Variants in QTMAN observed in about 807,000 individuals in gnomAD.
The protein encoded by QTMAN is queuosine-tRNA mannosyltransferase.
the QTMAN span, among the ~76,000 whole-genome samples, chr2:144,225,073 T>A: frequency 2.0e-5 from 3 of 152,182 alleles, no homozygotes; most frequent in African/African-American, 7.2e-5. Context: ...CCTTCTAGAA[T>A]TCAAGCTAAA....
At chr2:144,012,131 C>G in the QTMAN span, among the ~76,000 whole-genome samples, 3 of 152,106 alleles carry the variant, frequency 2.0e-5, no homozygotes, top group Admixed American at 6.6e-5. Flanking sequence ...CAGAGCCCCT[C>G]TCCTGCTGCC....
the QTMAN span, chr2:144,011,590 T>C: frequency 1.7e-5 from 17 of 976,096 alleles, no homozygotes; most frequent in Non-Finnish European, 1.9e-5. Flanking sequence ...TCAGACACTA[T>C]TTATAATGTA....
chr2:144,155,073 C>T, the QTMAN span, among the ~76,000 whole-genome samples: 1 of 152,160 alleles, frequency 6.6e-6, no homozygotes, highest in Non-Finnish European at 1.5e-5. Context: ...CTTACATTCC[C>T]CATGCCCCAT....
At chr2:144,176,566 G>T in the QTMAN span, among the ~76,000 whole-genome samples, 1 of 152,190 alleles carries the variant, frequency 6.6e-6, no homozygotes, top group East Asian at 1.9e-4. Flanking sequence ...AGTATTTTTA[G>T]ATAATATTAG....
chr2:144,189,595 G>A, the QTMAN span, among the ~76,000 whole-genome samples: 4 of 151,998 alleles, frequency 2.6e-5, no homozygotes, highest in Non-Finnish European at 5.9e-5. Context: ...CTGTTCCCTG[G>A]GAGACTGCCT....
At chr2:144,158,888 T>C in the QTMAN span, among the ~76,000 whole-genome samples, 2 of 152,060 alleles carry the variant, frequency 1.3e-5, no homozygotes, top group Non-Finnish European at 2.9e-5. Context: ...CTGGGAACTA[T>C]AACTTTGAAT....
the QTMAN span, chr2:143,939,793 T>C: frequency 6.6e-6 from 1 of 152,246 alleles, no homozygotes; most frequent in Admixed American, 6.5e-5. Flanking sequence ...CTCTTCTTAA[T>C]GTAACATTCA....
chr2:144,316,683 T>C, the QTMAN span, among the ~76,000 whole-genome samples: 2 of 152,196 alleles, frequency 1.3e-5, no homozygotes, highest in African/African-American at 4.8e-5. Context: ...TTCGCAAATA[T>C]GTCACTGCTT....
At chr2:144,324,249 T>C in the QTMAN span, among the ~76,000 whole-genome samples, 1 of 152,208 alleles carries the variant, frequency 6.6e-6, no homozygotes, top group Admixed American at 6.5e-5. Context: ...AAGAGTCTTA[T>C]ACAGTTTTAA....
the QTMAN span, among the ~76,000 whole-genome samples, chr2:144,275,589 TC>T: frequency 6.6e-6 from 1 of 152,110 alleles, no homozygotes; most frequent in African/African-American, 2.4e-5. Flanking sequence ...TGTTACCACC[TC>T]AGGTCAGTTC....
At chr2:144,057,354 T>A in the QTMAN span, among the ~76,000 whole-genome samples, 1 of 152,298 alleles carries the variant, frequency 6.6e-6, no homozygotes, top group Non-Finnish European at 1.5e-5. Context: ...TGGTTTAAAC[T>A]TGTTATTTAT....
the QTMAN span, among the ~76,000 whole-genome samples, chr2:144,183,864 A>G: frequency 2.0e-5 from 3 of 152,182 alleles, no homozygotes; most frequent in African/African-American, 7.2e-5. Flanking sequence ...TGGTTTGACT[A>G]AAATCATTGC....
chr2:144,257,302 T>C, the QTMAN span, among the ~76,000 whole-genome samples: 14 of 152,022 alleles, frequency 9.2e-5, no homozygotes, highest in African/African-American at 2.9e-4. Context: ...CTAAAGCCCA[T>C]TCCAGTAAAC....
the QTMAN span, among the ~76,000 whole-genome samples, chr2:143,996,361 A>C: frequency 6.6e-6 from 1 of 152,230 alleles, no homozygotes; most frequent in East Asian, 1.9e-4. Context: ...CCAGTCACGC[A>C]GCCACCCCAA....
chr2:144,228,466 A>T, the QTMAN span, among the ~76,000 whole-genome samples: 2 of 152,168 alleles, frequency 1.3e-5, no homozygotes, highest in South Asian at 4.1e-4. Flanking sequence ...AATCCCTCAA[A>T]TCTATTAAAA....
At chr2:144,251,846 A>G in the QTMAN span, among the ~76,000 whole-genome samples, 1 of 152,214 alleles carries the variant, frequency 6.6e-6, no homozygotes, top group Non-Finnish European at 1.5e-5. Context: ...AAGGACTGTT[A>G]GCTAAAATAT....
At chr2:144,092,219 A>C in the QTMAN span, among the ~76,000 whole-genome samples, 1 of 150,754 alleles carries the variant, frequency 6.6e-6, no homozygotes, top group African/African-American at 2.4e-5. Flanking sequence ...TCTGTCACCC[A>C]GGCTGGAGTG....
chr2:144,320,538 G>T, the QTMAN span, among the ~76,000 whole-genome samples: 1 of 152,056 alleles, frequency 6.6e-6, no homozygotes, highest in Non-Finnish European at 1.5e-5. Flanking sequence ...ATTGACTTTG[G>T]GCAGGAAGAG....
chr2:143,953,863 T>C, the QTMAN span, among the ~76,000 whole-genome samples: 1 of 151,976 alleles, frequency 6.6e-6, no homozygotes, highest in South Asian at 2.1e-4. Flanking sequence ...GTTTACCTTG[T>C]TTATTTACAG....
Sources: gnomAD v4.1 joint callset for allele counts (sites outside exome capture counted in the v4.1 genomes callset) on GRCh38, gnomAD v4.1.1 for gene constraint, MANE v1.5 for transcripts, NCBI Gene and HGNC (gene_info 2026-07-23, HGNC 2026-07-21) for gene names.